SAMD8: variants seen among roughly 807,000 people sequenced by gnomAD.
SAMD8 encodes sterile alpha motif domain containing 8.
SAMD8 carries 20 observed loss-of-function variants against 42.0 expected under a neutral mutation model. The observed-to-expected ratio is 0.48, with a 90% CI of 0.34 to 0.69. The LOEUF is 0.69. Among genes scored for constraint, SAMD8 ranks in the 30% least tolerant of loss-of-function variants. The pLI, the probability that SAMD8 is intolerant of heterozygous loss-of-function variation, is 0.01. For synonymous variants in SAMD8, 162 were observed against 173.0 expected, an observed-to-expected ratio of 0.94 and a Z score of 0.50; for missense variants, 328 against 511.6, an observed-to-expected ratio of 0.64 and a Z score of 3.46.
chr10:75,123,040 C>T (rs1849039718), intron 1 of SAMD8, among the ~76,000 whole-genome samples: 2 of 152,054 alleles, frequency 1.3e-5, no homozygotes, highest in African/African-American at 4.8e-5. Context: ...CATCTATATT[C>T]GTGAGGGATA....
chr10:75,154,902 G>GT (rs923160254), intron 2 of SAMD8, among the ~76,000 whole-genome samples: 37 of 151,602 alleles, frequency 2.4e-4, no homozygotes, highest in Middle Eastern at 6.9e-3. Context: ...TTTGTTTTTT[G>GT]TTTTTTTTGA....
rs757302264 is a variant in SAMD8, at chr10:75,168,663, C to G, written c.792+5C>G. 4.5e-6 allele frequency: 7 copies of G among 1,553,780 alleles called. 1 individual carries two copies. The South Asian group carries it at 6.7e-5, about 15-fold the overall frequency. ...CACCTGCAGTGTACTGGAAAGGTAG[C>G]CTGCTACCTTCTTTATCATTCTTGT... On this transcript the variant is annotated splice_donor_5th_base_variant and intron_variant, in intron 4 of 5. Transcript: ENST00000542569.
At chr10:75,159,554 C>G (rs145862128) in intron 2 of SAMD8, among the ~76,000 whole-genome samples, 1 of 152,136 alleles carries the variant, frequency 6.6e-6, no homozygotes, top group Non-Finnish European at 1.5e-5. Context: ...CATGGATACT[C>G]CCAACATCCA....
At chr10:75,108,097 C>G, upstream of SAMD8, 1 of 1,613,870 alleles carries the variant, frequency 6.2e-7, no homozygotes, top group Non-Finnish European at 8.5e-7. Flanking sequence ...AGGTAGCTCA[C>G]ACTGCTGCCG....
intron 1 of SAMD8, chr10:75,125,861 A>AGTCC (rs1849119966): frequency 6.6e-6 from 1 of 152,222 alleles, no homozygotes; most frequent in Admixed American, 6.5e-5. Flanking sequence ...CCTCCACCAA[A>AGTCC]GTCCGTATAA....
chr10:75,101,846 A>T (rs768125661), intron 1 of SAMD8: 1 of 1,325,924 alleles, frequency 7.5e-7, no homozygotes, highest in South Asian at 1.2e-5. Flanking sequence ...TACCCCCCCC[A>T]AATTAGGAGC....
chr10:75,140,645 A>T (rs1839989775), intron 1 of SAMD8, among the ~76,000 whole-genome samples: 3 of 152,254 alleles, frequency 2.0e-5, no homozygotes, highest in African/African-American at 7.2e-5. Flanking sequence ...TTGGGAAAAG[A>T]GGAGGCCATG....
chr10:75,137,196 G>A (rs1002541963), intron 1 of SAMD8, among the ~76,000 whole-genome samples: 3 of 152,194 alleles, frequency 2.0e-5, no homozygotes, highest in Non-Finnish European at 4.4e-5. Flanking sequence ...GGATGAATGT[G>A]TAAACAAAAT....
chr10:75,109,466 T>C (rs887285189), upstream of SAMD8, among the ~76,000 whole-genome samples: 1 of 152,202 alleles, frequency 6.6e-6, no homozygotes, highest in African/African-American at 2.4e-5. Context: ...ACAAAGGACA[T>C]GCTGGGTCTG....
intron 1 of SAMD8, among the ~76,000 whole-genome samples, chr10:75,121,827 G>T (rs1849012225): frequency 6.6e-6 from 1 of 152,034 alleles, no homozygotes; most frequent in Non-Finnish European, 1.5e-5. Flanking sequence ...AAGTAGCTAG[G>T]ATTACAGGCA....
At chr10:75,139,637 A>T (rs1839972968) in intron 1 of SAMD8, among the ~76,000 whole-genome samples, 1 of 152,220 alleles carries the variant, frequency 6.6e-6, no homozygotes, top group Non-Finnish European at 1.5e-5. Context: ...AACAAATTAT[A>T]AGGAGTGATC....
upstream of SAMD8, chr10:75,108,207 G>T: frequency 5.6e-6 from 9 of 1,597,584 alleles, no homozygotes; most frequent in Non-Finnish European, 7.7e-6. Context: ...GTTTGCCGTG[G>T]CCCTGGGGAG....
At chr10:75,139,072 C>T (rs996356776) in intron 1 of SAMD8, among the ~76,000 whole-genome samples, 14 of 151,742 alleles carry the variant, frequency 9.2e-5, no homozygotes, top group South Asian at 2.1e-4. Flanking sequence ...ACAATTCTCC[C>T]GCCTCAGCCT....
intron 2 of SAMD8, among the ~76,000 whole-genome samples, chr10:75,151,396 C>T (rs944510884): frequency 6.6e-6 from 1 of 152,098 alleles, no homozygotes; most frequent in Non-Finnish European, 1.5e-5. Context: ...CACTGTCACC[C>T]AGGCTGGAAT....
upstream of SAMD8, among the ~76,000 whole-genome samples, chr10:75,110,379 T>C (rs1848736312): frequency 6.6e-6 from 1 of 152,074 alleles, no homozygotes; most frequent in Admixed American, 6.6e-5. Flanking sequence ...AGAGATGAGA[T>C]GTCTCACCCT....
At chr10:75,101,099 C>T (rs1441470057) in intron 1 of SAMD8, among the ~76,000 whole-genome samples, 2 of 152,180 alleles carry the variant, frequency 1.3e-5, no homozygotes, top group Non-Finnish European at 2.9e-5. Flanking sequence ...GGGGAGAAGG[C>T]CTGCAGAAGG....
At chr10:75,167,441 G>A (rs1425372966) in intron 3 of SAMD8, among the ~76,000 whole-genome samples, 1 of 152,002 alleles carries the variant, frequency 6.6e-6, no homozygotes, top group Admixed American at 6.6e-5. Flanking sequence ...TTACTGTGTT[G>A]CCCAGGCTGG....
chr10:75,121,153 A>G (rs911419461), intron 1 of SAMD8, among the ~76,000 whole-genome samples: 3 of 152,174 alleles, frequency 2.0e-5, no homozygotes, highest in Non-Finnish European at 4.4e-5. Flanking sequence ...ATTCCATGCA[A>G]TCTTCACAAC....
chr10:75,101,292 G>A (rs1242306482), intron 1 of SAMD8, among the ~76,000 whole-genome samples: 4 of 152,142 alleles, frequency 2.6e-5, no homozygotes, highest in Non-Finnish European at 5.9e-5. Flanking sequence ...TTAATGTAAA[G>A]CACCTCCCAC....
Sources: gnomAD v4.1 joint callset for allele counts (sites outside exome capture counted in the v4.1 genomes callset) on GRCh38, gnomAD v4.1.1 for gene constraint, MANE v1.5 for transcripts, NCBI Gene and HGNC (gene_info 2026-07-23, HGNC 2026-07-21) for gene names.